FAM81A: variants seen among roughly 807,000 people sequenced by gnomAD.
FAM81A encodes protein FAM81A.
Under a neutral mutation model 46.7 loss-of-function variants are expected in FAM81A, and 19 were observed. The ratio of observed to expected loss-of-function variants is 0.41; its 90% confidence interval spans 0.28 to 0.60. The LOEUF is 0.60. FAM81A is among the 20% of genes least tolerant of loss of function. The pLI is 0.34. For missense variants in FAM81A, 377 were observed against 453.5 expected (o/e 0.83, Z 1.53); for synonymous variants, 183 against 152.9 (o/e 1.20, Z -1.45).
chr15:59,447,716 C>T (rs1443183956), intron 1 of FAM81A, among the ~76,000 whole-genome samples: 4 of 152,084 alleles, frequency 2.6e-5, no homozygotes. Context: ...ATGATTTAGC[C>T]AGATAACAAC....
At chr15:59,513,088 C>T (rs531045137) in intron 6 of FAM81A, among the ~76,000 whole-genome samples, 2 of 152,088 alleles carry the variant, frequency 1.3e-5, no homozygotes, top group African/African-American at 4.8e-5. Flanking sequence ...ATACATTCTT[C>T]TGTATTTTAT....
At chr15:59,501,533 T>C (rs1316237769) in intron 4 of FAM81A, among the ~76,000 whole-genome samples, 4 of 152,080 alleles carry the variant, frequency 2.6e-5, no homozygotes, top group Admixed American at 2.6e-4. Flanking sequence ...AGCAACCAAA[T>C]TGATGTTTTA....
intron 4 of FAM81A, among the ~76,000 whole-genome samples, chr15:59,499,859 A>ATTT (rs746846741): frequency 4.1e-4 from 55 of 134,540 alleles, no homozygotes; most frequent in East Asian, 3.7e-3. Flanking sequence ...TTTCATTTTC[A>ATTT]TTTTTTTTTT....
chr15:59,455,883 C>G (rs2081477571), intron 1 of FAM81A, among the ~76,000 whole-genome samples: 1 of 152,168 alleles, frequency 6.6e-6, no homozygotes, highest in African/African-American at 2.4e-5. Context: ...TACTTTTTAA[C>G]TAAAGTATAT....
rs548456205 is a variant in FAM81A, at chr15:59,418,385, C to T, written c.-78+16027C>T. Among the ~76,000 whole-genome samples the T allele has an allele frequency of 1.2e-3, 187 of 152,296 alleles. 1 individual carries two copies. The highest frequency in any genetic ancestry group is 3.1e-4 in the Non-Finnish European group (21 of 68,030). The stretch of plus-strand genomic sequence containing the variant: ...AATCAATCAAACTCATCAGCTATAA[C>T]CCTGCCTTTTCCTGTTTAGAAAACA... On this transcript the variant is annotated intron_variant, in intron 2 of 4. Coordinates refer to the FAM81A transcript ENST00000558348.
chr15:59,461,675 A>T (rs1009293733), intron 3 of FAM81A, among the ~76,000 whole-genome samples: 2 of 152,140 alleles, frequency 1.3e-5, no homozygotes, highest in Non-Finnish European at 2.9e-5. Context: ...CCTAGCATGT[A>T]TCATATTCCT....
intron 2 of FAM81A, among the ~76,000 whole-genome samples, chr15:59,418,083 C>T (rs1596462834): frequency 6.6e-6 from 1 of 152,126 alleles, no homozygotes; most frequent in East Asian, 1.9e-4. Flanking sequence ...CATCCATATC[C>T]CTACAAAGGA....
chr15:59,475,951 C>G (rs2081761525), intron 3 of FAM81A, among the ~76,000 whole-genome samples: 1 of 152,136 alleles, frequency 6.6e-6, no homozygotes, highest in Admixed American at 6.5e-5. Context: ...GACTGGGTAG[C>G]TTAAACAACA....
At chr15:59,510,223 A>G (rs1208755233) in intron 6 of FAM81A, among the ~76,000 whole-genome samples, 1 of 151,972 alleles carries the variant, frequency 6.6e-6, no homozygotes, top group Non-Finnish European at 1.5e-5. Context: ...AAAATTAGCC[A>G]GGCATGGTGG....
intron 7 of FAM81A, among the ~76,000 whole-genome samples, chr15:59,516,157 C>A (rs189695290): frequency 6.9e-6 from 1 of 145,108 alleles, no homozygotes; most frequent in Non-Finnish European, 1.5e-5. Flanking sequence ...GACAGAGTCT[C>A]ACTCTGTTAC....
chr15:59,477,967 G>A (rs1219092359), intron 3 of FAM81A, among the ~76,000 whole-genome samples: 3 of 152,184 alleles, frequency 2.0e-5, no homozygotes, highest in Non-Finnish European at 4.4e-5. Context: ...TTTAGAGGAA[G>A]TAATATAGTC....
rs570427870 is a variant in FAM81A at position 59,451,546 on chromosome 15, G to A, written c.-77-7004G>A. On this transcript the variant is annotated intron_variant, in intron 1 of 8. Coordinates refer to ENST00000288228, the MANE Select transcript of FAM81A (RefSeq NM_152450.3). ...GGGCTCACTGCAACTTCTGTCTTCT[G>A]GGTTCAAGTGATTCTTCTGCCTGAG... is the stretch of plus-strand genomic sequence containing the variant. Among the ~76,000 whole-genome samples, 49 of 152,002 alleles carry A rather than the reference G, an allele frequency of 3.2e-4. 1 individual carries two copies. The highest frequency in any genetic ancestry group is 9.7e-4 in the African/African-American group (40 of 41,448).
chr15:59,408,670 T>C (rs2081107144), intron 2 of FAM81A, among the ~76,000 whole-genome samples: 1 of 151,456 alleles, frequency 6.6e-6, no homozygotes, highest in Non-Finnish European at 1.5e-5. Context: ...GTACTAAAAA[T>C]ACAAAAAAAT....
chr15:59,412,595 T>C (rs2081126358), intron 2 of FAM81A, among the ~76,000 whole-genome samples: 1 of 151,928 alleles, frequency 6.6e-6, no homozygotes, highest in African/African-American at 2.4e-5. Flanking sequence ...GGCGTGGTGG[T>C]ATGCGTCTGT....
chr15:59,514,248 A>C, intron 6 of FAM81A, 41 bp from the exon 7 acceptor site: 1 of 1,504,642 alleles, frequency 6.6e-7, no homozygotes, highest in East Asian at 2.4e-5. Context: ...AAAATAAAAA[A>C]TAAACTGTTT....
chr15:59,433,140 CAAAAAA>C (rs552850890), intron 2 of FAM81A, among the ~76,000 whole-genome samples: 3 of 42,426 alleles, frequency 7.1e-5, no homozygotes, highest in South Asian at 1.6e-3. Flanking sequence ...GACTCCGTCT[CAAAAAA>C]AAAAAAAAAA....
At chr15:59,411,301 T>C (rs1032313641) in intron 2 of FAM81A, among the ~76,000 whole-genome samples, 1 of 152,114 alleles carries the variant, frequency 6.6e-6, no homozygotes, top group South Asian at 2.1e-4. Context: ...GTACGGTTGC[T>C]GGGAGCCCAG....
chr15:59,514,531 T>A lies in FAM81A; in HGVS notation c.786+107T>A, dbSNP rs541196368. 1.4e-5 allele frequency: 19 copies of A among 1,371,392 alleles called. No individual in the cohort carries two copies. In the Admixed American group the frequency reaches 4.0e-4, roughly 29 times the overall value. The allele number at this position is 1,371,392 out of a possible 1,614,324, so 85.0% of individuals were successfully genotyped here. A position where few individuals can be genotyped will look rare whatever the true frequency, so the allele number is the denominator to read the frequency against. Reference sequence around the variant, plus strand: ...TATCACTGATTTAGCTGTTCAATTGTTTCTTGCCTTAAAATCCATTTCCAT... The same window carrying A: ...TATCACTGATTTAGCTGTTCAATTGATTCTTGCCTTAAAATCCATTTCCAT... On this transcript the variant is annotated intron_variant, in intron 7 of 8. Coordinates refer to ENST00000288228, the MANE Select transcript of FAM81A (RefSeq NM_152450.3).
At chr15:59,497,026 T>G (rs2082041067) in intron 4 of FAM81A, among the ~76,000 whole-genome samples, 2 of 151,482 alleles carry the variant, frequency 1.3e-5, no homozygotes, top group South Asian at 4.2e-4. Flanking sequence ...CTGGGGAGGC[T>G]GAGGCAGGAG....
Sources: gnomAD v4.1 joint callset for allele counts (sites outside exome capture counted in the v4.1 genomes callset) on GRCh38, gnomAD v4.1.1 for gene constraint, MANE v1.5 for transcripts, NCBI Gene and HGNC (gene_info 2026-07-23, HGNC 2026-07-21) for gene names.